Variants in ACTR3C observed in about 807,000 individuals in gnomAD.
ACTR3C encodes actin related protein 3C, also known as actin-related protein 3C.
A neutral mutation model predicts 26.3 loss-of-function variants in ACTR3C; 18 were observed. The observed-to-expected ratio is 0.68, with a 90% CI of 0.47 to 1.01. ACTR3C has a LOEUF of 1.01. Among genes scored for constraint, ACTR3C ranks in the 50% least tolerant of loss-of-function variants. ACTR3C has a pLI of 0.00. For missense variants in ACTR3C, 184 were observed against 250.7 expected, an observed-to-expected ratio of 0.73 and a Z score of 1.80; for synonymous variants, 55 against 94.5, an observed-to-expected ratio of 0.58 and a Z score of 2.42.
At chr7:149,986,714 A>C in the ACTR3C span, among the ~76,000 whole-genome samples, 2 of 152,096 alleles carry the variant, frequency 1.3e-5, no homozygotes, top group Non-Finnish European at 2.9e-5. Flanking sequence ...TTCTCGCACA[A>C]AACTCCCCAC....
At chr7:150,019,950 G>A in the ACTR3C span, among the ~76,000 whole-genome samples, 2 of 152,108 alleles carry the variant, frequency 1.3e-5, no homozygotes, top group African/African-American at 2.4e-5. Flanking sequence ...GGACAAGCTC[G>A]TTGCAGAGGT....
chr7:150,156,132 G>A, the ACTR3C span, among the ~76,000 whole-genome samples: 1 of 151,526 alleles, frequency 6.6e-6, no homozygotes, highest in Non-Finnish European at 1.5e-5. Context: ...TGGACAATCT[G>A]CTGTCCAGCC....
chr7:150,204,943 C>T, the ACTR3C span, among the ~76,000 whole-genome samples: 1 of 152,220 alleles, frequency 6.6e-6, no homozygotes, highest in Non-Finnish European at 1.5e-5. Flanking sequence ...AGAGAAGGGC[C>T]TCCTGTCTTC....
At chr7:150,123,321 A>C in the ACTR3C span, among the ~76,000 whole-genome samples, 101 of 152,242 alleles carry the variant, frequency 6.6e-4, no homozygotes, top group African/African-American at 2.1e-3. Context: ...TCTCATAAGG[A>C]GCTGGTGACC....
chr7:150,248,990 T>C lies in ACTR3C; in HGVS notation c.629A>G (p.His210Arg). The C allele has an allele frequency of 3.0e-6, 2 of 675,292 alleles. No homozygotes were observed. Among genetic ancestry groups the C allele is most frequent in the South Asian group, 3.2e-5 (2 of 62,044 alleles). 41.8% of individuals were successfully genotyped at this position (675,292 alleles called of 1,614,324 possible). Residue 210 changes from histidine to arginine, a missense_variant, in exon 7 of 8, where the codon CAT becomes CGT. Transcript: ENST00000683684. The stretch of plus-strand genomic sequence containing the variant: ...GCATGGGCTCAATATATCATCTCAA[T>C]GAAATGGAGGTGACAGAGGATGGAA... ...HGFHPLSPPF[H>R]
At chr7:150,088,512 C>A in the ACTR3C span, among the ~76,000 whole-genome samples, 1 of 152,176 alleles carries the variant, frequency 6.6e-6, no homozygotes, top group Non-Finnish European at 1.5e-5. Flanking sequence ...ATGGACTAAA[C>A]CTGGCTCTAA....
chr7:150,251,055 G>C (rs1387789862), intron 6 of ACTR3C, among the ~76,000 whole-genome samples: 7 of 152,128 alleles, frequency 4.6e-5, no homozygotes, highest in South Asian at 4.2e-4. Context: ...TTTTTTGCTG[G>C]TGTACCCCAA....
chr7:150,041,810 C>T, the ACTR3C span, among the ~76,000 whole-genome samples: 72 of 113,110 alleles, frequency 6.4e-4, no homozygotes, highest in East Asian at 0.015. Flanking sequence ...TCCCCCCCTG[C>T]GATGGGGGTA....
the ACTR3C span, among the ~76,000 whole-genome samples, chr7:149,939,764 T>G: frequency 1.4e-5 from 2 of 145,282 alleles, no homozygotes; most frequent in African/African-American, 5.0e-5. Flanking sequence ...CAAAAACCTG[T>G]GTGCCCTTCA....
At chr7:149,888,702 CCTT>C in the ACTR3C span, among the ~76,000 whole-genome samples, 2 of 152,176 alleles carry the variant, frequency 1.3e-5, no homozygotes, top group Non-Finnish European at 2.9e-5. Context: ...CCTCATTTCT[CCTT>C]CTGCTCTTCA....
chr7:150,136,332 A>G, the ACTR3C span, among the ~76,000 whole-genome samples: 2 of 152,226 alleles, frequency 1.3e-5, no homozygotes, highest in African/African-American at 2.4e-5. Context: ...CAGAAAATTC[A>G]TTACATTTCA....
At chr7:150,146,322 A>C in the ACTR3C span, among the ~76,000 whole-genome samples, 1 of 152,206 alleles carries the variant, frequency 6.6e-6, no homozygotes, top group South Asian at 2.1e-4. Context: ...AGGAAGCAGG[A>C]ACACAGATCC....
intron 6 of ACTR3C, among the ~76,000 whole-genome samples, chr7:150,265,167 C>A (rs2129610394): frequency 6.6e-6 from 1 of 152,128 alleles, no homozygotes; most frequent in East Asian, 1.9e-4. Context: ...CAGAAGACAT[C>A]ATCATAAAAC....
the ACTR3C span, among the ~76,000 whole-genome samples, chr7:150,091,779 G>A: frequency 7.4e-5 from 11 of 148,786 alleles, no homozygotes; most frequent in African/African-American, 1.7e-4. Flanking sequence ...TCAGGAGATC[G>A]AGACCATCCT....
chr7:150,168,320 A>G, the ACTR3C span, among the ~76,000 whole-genome samples: 2 of 150,662 alleles, frequency 1.3e-5, no homozygotes, highest in Admixed American at 6.6e-5. Flanking sequence ...CTGGAACTCT[A>G]TTGTGAACTG....
the ACTR3C span, among the ~76,000 whole-genome samples, chr7:150,043,766 C>T: frequency 2.0e-5 from 3 of 152,124 alleles, no homozygotes; most frequent in African/African-American, 4.8e-5. Context: ...TCATGTGAAA[C>T]TTAAAAAATT....
the ACTR3C span, among the ~76,000 whole-genome samples, chr7:150,012,009 T>C: frequency 6.6e-6 from 1 of 152,180 alleles, no homozygotes; most frequent in African/African-American, 2.4e-5. Flanking sequence ...ATGAGGTAGA[T>C]ATTACTGCAG....
At chr7:150,304,224 G>T (rs1449786417) in intron 1 of ACTR3C, among the ~76,000 whole-genome samples, 3 of 152,044 alleles carry the variant, frequency 2.0e-5, no homozygotes, top group Non-Finnish European at 4.4e-5. Context: ...TTAGTGAAGT[G>T]CACAAGGCAG....
the ACTR3C span, among the ~76,000 whole-genome samples, chr7:150,037,105 CA>C: frequency 1.3e-4 from 12 of 92,606 alleles, 1 homozygote; most frequent in Admixed American, 2.1e-4. Context: ...TCCTAAGAGC[CA>C]GGGGGGGAAG....
Sources: gnomAD v4.1 joint callset for allele counts (sites outside exome capture counted in the v4.1 genomes callset) on GRCh38, gnomAD v4.1.1 for gene constraint, MANE v1.5 for transcripts, NCBI Gene and HGNC (gene_info 2026-07-23, HGNC 2026-07-21) for gene names.